The following CCDC146 variants were observed in gnomAD, a reference collection of about 807,000 sequenced individuals.
CCDC146 encodes coiled-coil domain containing 146, also known as coiled-coil domain-containing protein 146.
In CCDC146, 92 loss-of-function variants were observed where a neutral mutation model predicts 119.3. That is an observed-to-expected ratio of 0.77 (90% CI 0.65 to 0.92). The LOEUF (loss-of-function observed/expected upper bound fraction) is 0.92. Among genes scored for constraint, CCDC146 ranks in the 40% least tolerant of loss-of-function variants. CCDC146 has a pLI of 0.00. For synonymous variants in CCDC146, 372 were observed against 371.8 expected (o/e 1.00, Z -0.01); for missense variants, 1,000 against 1,103.0 (o/e 0.91, Z 1.32).
chr7:77,241,919 C>G lies in CCDC146; in HGVS notation c.449+19C>G. 6.4e-7 allele frequency: 1 copy of G among 1,567,712 alleles called. No individual in the cohort carries two copies. Among genetic ancestry groups the G allele is most frequent in the Non-Finnish European group, 8.8e-7 (1 of 1,140,328 alleles). ...TAAATAGGTAAGTGCACAGTTCTCT[C>G]CGGCACACTGAAAAGTCTTTTCCTC... is the stretch of plus-strand genomic sequence containing the variant. On this transcript the variant is annotated intron_variant, in intron 4 of 18. Coordinates refer to ENST00000285871, the MANE Select transcript of CCDC146 (RefSeq NM_020879.3).
At chr7:77,266,592 A>G (rs1562854557) in intron 9 of CCDC146, among the ~76,000 whole-genome samples, 1 of 152,196 alleles carries the variant, frequency 6.6e-6, no homozygotes, top group African/African-American at 2.4e-5. Flanking sequence ...AGTAAATGGT[A>G]TAGTCAGAAT....
At chr7:77,254,650 A>C in intron 5 of CCDC146, 87 bp downstream of exon 5, 1 of 721,060 alleles carries the variant, frequency 1.4e-6, no homozygotes, top group Non-Finnish European at 2.3e-6. Context: ...CACAACCACC[A>C]TAGCCTGAAA....
chr7:77,278,664 AT>A, intron 11 of CCDC146, 87 bp from the exon 12 acceptor site: 1 of 928,412 alleles, frequency 1.1e-6, no homozygotes, highest in Non-Finnish European at 1.7e-6. Context: ...AGGCTGGAGA[AT>A]TGTCTTTAAT....
intron 4 of CCDC146, among the ~76,000 whole-genome samples, chr7:77,248,679 C>G (rs1324381199): frequency 6.6e-6 from 1 of 152,156 alleles, no homozygotes; most frequent in African/African-American, 2.4e-5. Flanking sequence ...CTCTAGATTT[C>G]TTCAGGAAAT....
At chr7:77,275,171 A>C (rs1793609889) in intron 11 of CCDC146, among the ~76,000 whole-genome samples, 1 of 152,182 alleles carries the variant, frequency 6.6e-6, no homozygotes, top group Non-Finnish European at 1.5e-5. Flanking sequence ...TGCAGATCAA[A>C]AGTAGAGTAC....
At chr7:77,193,426 TTAAA>T (rs1289492542) in intron 2 of CCDC146, 1 of 152,200 alleles carries the variant, frequency 6.6e-6, no homozygotes, top group Non-Finnish European at 1.5e-5. Context: ...GATGTGATAA[TTAAA>T]TCTTTTATAA....
chr7:77,153,470 A>G (rs1467971839), intron 1 of CCDC146, among the ~76,000 whole-genome samples: 1 of 149,656 alleles, frequency 6.7e-6, no homozygotes, highest in Non-Finnish European at 1.5e-5. Context: ...ATTTAATTTT[A>G]AAAATTAGCA....
rs146978214 is a variant in CCDC146, at chr7:77,131,319, G to T, written c.-12+8587G>T. Among the ~76,000 whole-genome samples the T allele has an allele frequency of 5.6e-3, 858 of 152,074 alleles. 14 individuals carry two copies. The highest frequency in any genetic ancestry group is 0.02 in the African/African-American group (832 of 41,394). Reference sequence around the variant, plus strand: ...CCAAAAACCTTGAAACAACCCAAAGGTCTCTCAAATGTGAGTGGAAAAGCA... The same window carrying T: ...CCAAAAACCTTGAAACAACCCAAAGTTCTCTCAAATGTGAGTGGAAAAGCA... On this transcript the variant is annotated intron_variant, in intron 1 of 18. Transcript: ENST00000285871.
chr7:77,198,060 G>A, intron 2 of CCDC146: 1 of 872,816 alleles, frequency 1.1e-6, no homozygotes. Flanking sequence ...ATAGACAATA[G>A]TCTTCATATC....
At chr7:77,255,290 A>G (rs1204558477) in intron 5 of CCDC146, 1 of 152,202 alleles carries the variant, frequency 6.6e-6, no homozygotes, top group Non-Finnish European at 1.5e-5. Context: ...TCTTAATGGG[A>G]AGAAGGATCA....
intron 9 of CCDC146, among the ~76,000 whole-genome samples, chr7:77,272,159 A>G (rs544500644): frequency 2.4e-4 from 37 of 152,306 alleles, no homozygotes; most frequent in African/African-American, 7.0e-4. Context: ...CAATTATTCA[A>G]TTCTATACTG....
intron 2 of CCDC146, among the ~76,000 whole-genome samples, chr7:77,224,153 A>G (rs543661115): frequency 3.3e-5 from 5 of 152,340 alleles, no homozygotes; most frequent in Admixed American, 3.3e-4. Flanking sequence ...CTTAAACACA[A>G]ATTTATCATC....
At position 77,190,156 on chromosome 7, in the gene CCDC146, G is replaced by A. The variant is rs549403968; in HGVS notation, c.156+22332G>A. 2.6e-4 allele frequency among the ~76,000 whole-genome samples: 40 copies of A among 152,272 alleles called. No homozygotes were observed. The South Asian group carries it at 7.5e-3, about 28-fold the overall frequency. Reference sequence around the variant, plus strand: ...TTTCTATCTCCATAAGTCTGAGTTCGAAGACATTTCTGGCTTCTCAACTTT... The same window carrying A: ...TTTCTATCTCCATAAGTCTGAGTTCAAAGACATTTCTGGCTTCTCAACTTT... On this transcript the variant is annotated intron_variant, in intron 2 of 18. Coordinates refer to ENST00000285871, the MANE Select transcript of CCDC146 (RefSeq NM_020879.3).
In CCDC146 at chr7:77,196,848, A is replaced by G. The variant is rs1213329886; in HGVS notation, c.156+29024A>G. 6.2e-7 allele frequency: 1 copy of G among 1,613,560 alleles called. No homozygotes were observed. Among genetic ancestry groups the G allele is most frequent in the Non-Finnish European group, 8.5e-7 (1 of 1,179,958 alleles). Reference sequence around the variant, plus strand: ...TCGAGACGTGCCTGCAGCACTGTCCAGCCTCCCCCCATGGTCTCCATGTCA... The same window carrying G: ...TCGAGACGTGCCTGCAGCACTGTCCGGCCTCCCCCCATGGTCTCCATGTCA... On this transcript the variant is annotated intron_variant, in intron 2 of 18. Coordinates refer to ENST00000285871, the MANE Select transcript of CCDC146 (RefSeq NM_020879.3). This position sits in a 1 kb window ranked among gnomAD's most constrained non-coding sequence, Gnocchi z 4.2.
rs141304334 is a variant in CCDC146 at position 77,182,025 on chromosome 7, C to T, written c.156+14201C>T. On this transcript the variant is annotated intron_variant, in intron 2 of 18. Coordinates refer to ENST00000285871, the MANE Select transcript of CCDC146 (RefSeq NM_020879.3). ...TTAGAACCTAATGCCAAGTTATTAC[C>T]TTCTGAGGCAAAATTTCTTTACCCC... Among the ~76,000 whole-genome samples the T allele has an allele frequency of 2.6e-4, 40 of 152,254 alleles. No homozygotes were observed. The East Asian group carries it at 7.5e-3, about 29-fold the overall frequency.
In CCDC146 at chr7:77,275,337, C is replaced by T. The variant is rs186756155; in HGVS notation, c.1440+685C>T. ...TATGTATACCAAGGAACCACTATAA[C>T]TGTGCCTCTCCTTCAAGTACCAGTG... On this transcript the variant is annotated intron_variant, in intron 11 of 18. Coordinates refer to ENST00000285871, the MANE Select transcript of CCDC146 (RefSeq NM_020879.3). Among the ~76,000 whole-genome samples the T allele has an allele frequency of 2.4e-4, 36 of 152,338 alleles. 1 individual carries two copies. The highest frequency in any genetic ancestry group is 8.4e-4 in the African/African-American group (35 of 41,578).
In CCDC146 at chr7:77,199,936, G is replaced by C. The variant is rs1584066051; in HGVS notation, c.156+32112G>C. 2.4e-5 allele frequency: 23 copies of C among 940,804 alleles called. 1 individual carries two copies. The East Asian group carries it at 5.9e-4, about 24-fold the overall frequency. 58.3% of individuals were successfully genotyped at this position (940,804 alleles called of 1,614,324 possible). A position where few individuals can be genotyped will look rare whatever the true frequency, so the allele number is the denominator to read the frequency against. On this transcript the variant is annotated intron_variant, in intron 2 of 18. Transcript: ENST00000285871. ...CAAGTTTTAGAAACGCACAGGAAGA[G>C]GAGATAGCCCTCATCAAACGCAGTT...
chr7:77,250,931 G>A (rs1793046355), intron 4 of CCDC146, among the ~76,000 whole-genome samples: 1 of 148,484 alleles, frequency 6.7e-6, no homozygotes, highest in Admixed American at 6.7e-5. Context: ...GCCTATTAGA[G>A]GCATTCTTCA....
In CCDC146 at chr7:77,279,072, T is replaced by C; in HGVS notation, c.1665T>C (p.Ile555=). The change falls in exon 13 of 19, where the codon ATT becomes ATC. Residue 555 remains isoleucine, a synonymous_variant. Transcript: ENST00000285871. ...RHKMSLNELE[I]LRNSAVSQER... ...AAATGTCATTAAATGAACTTGAAATTCTGAGAAATAGTGCCGTTAGTCAAG... is the reference window on the plus strand; with the variant it reads ...AAATGTCATTAAATGAACTTGAAATCCTGAGAAATAGTGCCGTTAGTCAAG... 1 of 1,611,030 alleles carries C rather than the reference T, an allele frequency of 6.2e-7. No homozygotes were observed. The highest frequency in any genetic ancestry group is 8.5e-7 in the Non-Finnish European group (1 of 1,178,700).
Sources: gnomAD v4.1 joint callset for allele counts (sites outside exome capture counted in the v4.1 genomes callset) on GRCh38, gnomAD v4.1.1 for gene constraint, Gnocchi (gnomAD v3.1) non-coding constraint, MANE v1.5 for transcripts, NCBI Gene and HGNC (gene_info 2026-07-23, HGNC 2026-07-21) for gene names.